SHANK2: variants seen among roughly 807,000 people sequenced by gnomAD.
SHANK2 encodes SH3 and multiple ankyrin repeat domains protein 2.
Under a neutral mutation model 133.7 loss-of-function variants are expected in SHANK2, and 43 were observed. The observed-to-expected ratio is 0.32, with a 90% CI of 0.25 to 0.41. The LOEUF is 0.41. SHANK2 is among the 10% of genes least tolerant of loss of function. SHANK2 has a pLI of 1.00. For missense variants in SHANK2, 1,994 were observed against 2,235.8 expected (o/e 0.89, Z 2.18); for synonymous variants, 1,017 against 952.8 (o/e 1.07, Z -1.24).
At chr11:71,217,487 G>A (rs913139727) in intron 2 of SHANK2, among the ~76,000 whole-genome samples, 23 of 151,904 alleles carry the variant, frequency 1.5e-4, no homozygotes, top group African/African-American at 5.3e-4. Context: ...CTGGGCAACA[G>A]AGCAAGACTC....
At chr11:70,617,123 G>A (rs1370446864) in intron 17 of SHANK2, among the ~76,000 whole-genome samples, 14 of 151,678 alleles carry the variant, frequency 9.2e-5, no homozygotes, top group Admixed American at 7.9e-4. Context: ...GTGTGACTGA[G>A]AGTATGCTAA....
intron 3 of SHANK2, among the ~76,000 whole-genome samples, chr11:71,146,628 C>G (rs571879170): frequency 6.6e-6 from 1 of 152,152 alleles, no homozygotes; most frequent in Non-Finnish European, 1.5e-5. Flanking sequence ...AGCAGCCACG[C>G]GGGAAGGAGT....
intron 17 of SHANK2, among the ~76,000 whole-genome samples, chr11:70,592,490 C>T (rs12279866): frequency 6.7e-6 from 1 of 149,138 alleles, no homozygotes; most frequent in African/African-American, 2.4e-5. Context: ...GCTCTGCATC[C>T]CAGCACACCC....
At chr11:70,600,692 G>A (rs1445699948) in intron 17 of SHANK2, among the ~76,000 whole-genome samples, 1 of 152,136 alleles carries the variant, frequency 6.6e-6, no homozygotes, top group African/African-American at 2.4e-5. Flanking sequence ...TTGGAGAAAA[G>A]TGTTTTATTC....
At chr11:71,153,429 CA>C (rs1187411565) in intron 2 of SHANK2, among the ~76,000 whole-genome samples, 4 of 152,170 alleles carry the variant, frequency 2.6e-5, no homozygotes, top group Non-Finnish European at 5.9e-5. Flanking sequence ...GCAAGTTCAA[CA>C]AAAACAGCAT....
intron 17 of SHANK2, among the ~76,000 whole-genome samples, chr11:70,506,294 T>C (rs1241448264): frequency 1.3e-5 from 2 of 152,190 alleles, no homozygotes; most frequent in African/African-American, 4.8e-5. Flanking sequence ...ATTTGATGTC[T>C]CATATCTGAG....
At chr11:70,563,186 T>A (rs2059929174) in intron 17 of SHANK2, among the ~76,000 whole-genome samples, 2 of 152,218 alleles carry the variant, frequency 1.3e-5, no homozygotes, top group African/African-American at 2.4e-5. Context: ...TAATTTTTTA[T>A]GATTCCATTT....
intron 9 of SHANK2, among the ~76,000 whole-genome samples, chr11:71,073,222 T>C (rs1451781181): frequency 7.1e-6 from 1 of 141,072 alleles, no homozygotes; most frequent in Admixed American, 7.4e-5. Flanking sequence ...GCAGTGGCAC[T>C]ATCTCAGCTC....
At chr11:71,132,379 G>A (rs1952332039) in intron 3 of SHANK2, among the ~76,000 whole-genome samples, 1 of 152,168 alleles carries the variant, frequency 6.6e-6, no homozygotes, top group Non-Finnish European at 1.5e-5. Context: ...GGGGACGGCT[G>A]CTCCTCACCA....
intron 17 of SHANK2, among the ~76,000 whole-genome samples, chr11:70,600,270 T>C (rs1288586971): frequency 6.6e-6 from 1 of 151,408 alleles, no homozygotes; most frequent in African/African-American, 2.4e-5. Context: ...AACACAAAAA[T>C]TAGCCGGGCG....
intron 21 of SHANK2, among the ~76,000 whole-genome samples, 173 bp from the exon 22 acceptor site, chr11:70,492,638 A>T (rs1555156204): frequency 1.3e-5 from 2 of 152,146 alleles, no homozygotes; most frequent in African/African-American, 4.8e-5. Flanking sequence ...CCACTGGGGC[A>T]TGGGCTCCTT....
At chr11:70,939,740 C>T (rs1358714368) in intron 10 of SHANK2, among the ~76,000 whole-genome samples, 1 of 152,246 alleles carries the variant, frequency 6.6e-6, no homozygotes, top group Non-Finnish European at 1.5e-5. Context: ...CTCCCCGCTG[C>T]GTGGCTCCTC....
At chr11:70,908,090 C>A in intron 10 of SHANK2, 3 of 220,068 alleles carry the variant, frequency 1.4e-5, no homozygotes, top group Non-Finnish European at 1.9e-5. Flanking sequence ...AGTGAGAGTC[C>A]ATCTCAAAAA....
chr11:70,733,324 G>C (rs909953854), intron 14 of SHANK2, among the ~76,000 whole-genome samples: 1 of 152,214 alleles, frequency 6.6e-6, no homozygotes, highest in South Asian at 2.1e-4. Flanking sequence ...GAAGCAAGGA[G>C]TTGATTCATA....
intron 15 of SHANK2, among the ~76,000 whole-genome samples, chr11:70,692,964 AC>A (rs1289706404): frequency 6.6e-6 from 1 of 152,202 alleles, no homozygotes; most frequent in Non-Finnish European, 1.5e-5. Flanking sequence ...TTTTGAGCAG[AC>A]CTTGCTGCCA....
intron 17 of SHANK2, among the ~76,000 whole-genome samples, chr11:70,657,010 G>T (rs1680830520): frequency 6.6e-6 from 1 of 152,228 alleles, no homozygotes; most frequent in Admixed American, 6.5e-5. Context: ...GAGGGAAAAT[G>T]AAGTTCTAGA....
chr11:70,944,752 A>T (rs1950699720), intron 10 of SHANK2, among the ~76,000 whole-genome samples: 1 of 151,982 alleles, frequency 6.6e-6, no homozygotes, highest in African/African-American at 2.4e-5. Context: ...GTCTTGGATG[A>T]TCTCTTTGTT....
chr11:71,125,622 G>C (rs1220373623), intron 3 of SHANK2, among the ~76,000 whole-genome samples: 8 of 152,226 alleles, frequency 5.3e-5, no homozygotes, highest in Admixed American at 5.2e-4. Flanking sequence ...CTCCATAACA[G>C]GAAAGTGTGA....
intron 22 of SHANK2, among the ~76,000 whole-genome samples, chr11:70,491,755 AGCCTCT>A (rs2058889711): frequency 6.6e-6 from 1 of 152,212 alleles, no homozygotes; most frequent in Non-Finnish European, 1.5e-5. Context: ...GGGAATCAGC[AGCCTCT>A]GCCCCAGGCC....
Sources: gnomAD v4.1 joint callset for allele counts (sites outside exome capture counted in the v4.1 genomes callset) on GRCh38, gnomAD v4.1.1 for gene constraint, MANE v1.5 for transcripts, NCBI Gene and HGNC (gene_info 2026-07-23, HGNC 2026-07-21) for gene names.